The following FAT3 variants were observed in gnomAD, a reference collection of about 807,000 sequenced individuals.
FAT3 encodes the protein protocadherin Fat 3.
Under a neutral mutation model 310.2 loss-of-function variants are expected in FAT3, and 95 were observed. The ratio of observed to expected loss-of-function variants is 0.31; its 90% CI spans 0.26 to 0.36. The LOEUF (loss-of-function observed/expected upper bound fraction) is 0.36, where lower values mean the gene tolerates loss of function less well. Ranked by LOEUF, FAT3 falls within the 10% of genes least tolerant of loss-of-function variation. The probability of loss-of-function intolerance (pLI) is 1.00; values close to 1 mark genes in which losing one functional copy is unlikely to be tolerated. For missense variants in FAT3, 5,408 were observed against 5,715.6 expected, an observed-to-expected ratio of 0.95 and a Z score of 1.74; for synonymous variants, 2,314 against 2,192.9, an observed-to-expected ratio of 1.06 and a Z score of -1.54.
chr11:92,849,862 T>G (rs1173205693), intron 19 of FAT3, among the ~76,000 whole-genome samples: 1 of 152,108 alleles, frequency 6.6e-6, no homozygotes, highest in Admixed American at 6.5e-5. Flanking sequence ...CCCATTCCCA[T>G]GGAGCATGAA....
At chr11:92,580,950 T>C (rs1938760877) in intron 3 of FAT3, among the ~76,000 whole-genome samples, 1 of 152,168 alleles carries the variant, frequency 6.6e-6, no homozygotes, top group South Asian at 2.1e-4. Flanking sequence ...TTTCATTCCA[T>C]TCCCCCAAGT....
At chr11:92,227,785 G>A (rs1165692178) in intron 1 of FAT3, among the ~76,000 whole-genome samples, 1 of 145,420 alleles carries the variant, frequency 6.9e-6, no homozygotes, top group Non-Finnish European at 1.5e-5. Context: ...CTAAATTGGA[G>A]CAATTGAACA....
At chr11:92,245,160 A>C (rs971701566) in intron 1 of FAT3, among the ~76,000 whole-genome samples, 2 of 152,188 alleles carry the variant, frequency 1.3e-5, no homozygotes, top group African/African-American at 4.8e-5. Context: ...CTATGCAGCC[A>C]TAAAAAAAGG....
rs370539148 is a variant in FAT3 at position 92,801,802 on chromosome 11, G to A, written c.8789G>A (p.Arg2930Gln). The A allele has an allele frequency of 1.5e-4, 244 of 1,613,902 alleles. No homozygotes were observed. The African/African-American group carries it at 2.6e-3, about 17-fold the overall frequency. ...NAPVFAQEVYRGNVKESDPPG... is the reference protein window; with the variant it reads ...NAPVFAQEVYQGNVKESDPPG... ...CCAGTCTTCGCGCAGGAAGTGTACCGAGGGAATGTGAAGGAGAGCGACCCA... is the reference window on the plus strand; with the variant it reads ...CCAGTCTTCGCGCAGGAAGTGTACCAAGGGAATGTGAAGGAGAGCGACCCA... Residue 2930 changes from arginine (R) to glutamine (Q), a missense_variant, in exon 10 of 28, where the codon CGA (arginine) becomes CAA (glutamine). Arg to Gln is a conservative substitution (Grantham distance 43). Transcript: ENST00000525166.
At chr11:92,550,390 A>G (rs1244835927) in intron 3 of FAT3, among the ~76,000 whole-genome samples, 1 of 152,176 alleles carries the variant, frequency 6.6e-6, no homozygotes, top group Non-Finnish European at 1.5e-5. Flanking sequence ...TTTGTAATTT[A>G]TTTTGCAGAG....
chr11:92,666,444 C>A (rs190377419), intron 3 of FAT3, among the ~76,000 whole-genome samples: 2 of 151,232 alleles, frequency 1.3e-5, no homozygotes, highest in East Asian at 3.9e-4. Context: ...CTCTGCCTCC[C>A]GGGTTCACGC....
chr11:92,373,875 G>A (rs1046205479), intron 2 of FAT3, among the ~76,000 whole-genome samples: 1 of 151,876 alleles, frequency 6.6e-6, no homozygotes, highest in African/African-American at 2.4e-5. Flanking sequence ...TGGCTCATGT[G>A]ATAATGGAGG....
intron 3 of FAT3, among the ~76,000 whole-genome samples, chr11:92,641,586 C>A (rs932460637): frequency 2.6e-5 from 4 of 152,226 alleles, no homozygotes; most frequent in African/African-American, 9.6e-5. Flanking sequence ...TTGCTTTCCA[C>A]TCCATGTTCC....
At chr11:92,572,865 A>G (rs1324786379) in intron 3 of FAT3, among the ~76,000 whole-genome samples, 3 of 152,162 alleles carry the variant, frequency 2.0e-5, no homozygotes, top group Admixed American at 1.3e-4. Context: ...TTGCTAACCA[A>G]ATTTTAAAAA....
chr11:92,397,233 T>C (rs756209992), intron 2 of FAT3, among the ~76,000 whole-genome samples: 13 of 152,138 alleles, frequency 8.5e-5, no homozygotes, highest in Middle Eastern at 3.2e-3. Context: ...ACTGCGATTT[T>C]TGGGGGGAGT....
chr11:92,868,175 A>C (rs1949295648), intron 22 of FAT3, among the ~76,000 whole-genome samples: 1 of 152,216 alleles, frequency 6.6e-6, no homozygotes, highest in African/African-American at 2.4e-5. Flanking sequence ...CAAATCACTT[A>C]GAGATTCTGC....
intron 4 of FAT3, among the ~76,000 whole-genome samples, chr11:92,718,479 A>G (rs1158607715): frequency 6.6e-6 from 1 of 152,168 alleles, no homozygotes; most frequent in Non-Finnish European, 1.5e-5. Context: ...TAATGTGCCC[A>G]CATGTGGAGC....
chr11:92,823,923 T>A (rs1276779112), intron 13 of FAT3, among the ~76,000 whole-genome samples: 1 of 152,200 alleles, frequency 6.6e-6, no homozygotes, highest in East Asian at 1.9e-4. Flanking sequence ...TTTCATATTA[T>A]CCACAGGCAT....
intron 2 of FAT3, among the ~76,000 whole-genome samples, chr11:92,404,973 T>G: frequency 6.6e-6 from 1 of 152,064 alleles, no homozygotes; most frequent in East Asian, 1.9e-4. Flanking sequence ...GGGTTTGGTA[T>G]GGAATTATAC....
chr11:92,435,248 TC>T (rs1184649310), intron 2 of FAT3, among the ~76,000 whole-genome samples: 1 of 152,140 alleles, frequency 6.6e-6, no homozygotes, highest in Non-Finnish European at 1.5e-5. Flanking sequence ...GAACTCACAT[TC>T]AGGGATGTCT....
intron 1 of FAT3, among the ~76,000 whole-genome samples, chr11:92,347,654 C>T (rs1226568877): frequency 1.3e-5 from 2 of 152,052 alleles, no homozygotes; most frequent in East Asian, 1.9e-4. Flanking sequence ...ATCTGCATGC[C>T]CTTCTGAGTC....
chr11:92,475,014 T>C lies in FAT3; in HGVS notation c.3293-49620T>C, dbSNP rs147044169. ...CACATTGCCCTTCCCACATGCCCAC[T>C]GGTTTTAAATATTTCTCCTTTCTTC... On this transcript the variant is annotated intron_variant, in intron 2 of 27. Coordinates refer to ENST00000525166, the MANE Select transcript of FAT3 (RefSeq NM_001367949.2). 1.4e-3 allele frequency among the ~76,000 whole-genome samples: 218 copies of C among 152,334 alleles called. 7 individuals carry two copies. In the East Asian group the frequency reaches 0.04, roughly 28 times the overall value.
chr11:92,410,343 G>GGA (rs146907224), intron 2 of FAT3, among the ~76,000 whole-genome samples: 9 of 151,264 alleles, frequency 5.9e-5, no homozygotes, highest in South Asian at 4.2e-4. Flanking sequence ...TGAGAGAGAC[G>GGA]GAGAGAGAGA....
At chr11:92,348,661 T>C (rs962006377) in intron 1 of FAT3, among the ~76,000 whole-genome samples, 1 of 152,144 alleles carries the variant, frequency 6.6e-6, no homozygotes, top group African/African-American at 2.4e-5. Context: ...TTGAAGCGTG[T>C]TTCAGTTTGG....
Sources: allele counts gnomAD v4.1 joint callset (sites outside exome capture counted in the v4.1 genomes callset), GRCh38; gene constraint gnomAD v4.1.1; transcripts MANE v1.5; gene names NCBI Gene and HGNC (gene_info 2026-07-23, HGNC 2026-07-21).